NR2C1: variants seen among roughly 807,000 people sequenced by gnomAD.
The protein encoded by NR2C1 is nuclear receptor subfamily 2 group C member 1.
In NR2C1, 33 loss-of-function variants were observed where a neutral mutation model predicts 74.8. That is an observed-to-expected ratio of 0.44 (90% CI 0.33 to 0.59). The LOEUF is 0.59. Ranked by LOEUF, NR2C1 falls within the 20% of genes least tolerant of loss-of-function variation. The pLI is 0.02. For missense variants in NR2C1, 568 were observed against 715.6 expected, an observed-to-expected ratio of 0.79 and a Z score of 2.35; for synonymous variants, 225 against 240.6, an observed-to-expected ratio of 0.94 and a Z score of 0.60.
intron 9 of NR2C1, among the ~76,000 whole-genome samples, chr12:95,045,990 C>A (rs925253884): frequency 6.6e-6 from 1 of 152,002 alleles, no homozygotes; most frequent in Admixed American, 6.6e-5. Context: ...TAGGCATGCA[C>A]CACTACGCCT....
Position 95,047,590 on chromosome 12 carries a change from A to G in NR2C1, c.1131+1478T>C, listed in dbSNP as rs189475359. ...ATACATATTTATTTGATAGCTGTAC[A>G]TATTCTCCTAAAAAAATCCATGGAA... On this transcript the variant is annotated intron_variant, in intron 9 of 13. Transcript: ENST00000333003. Among the ~76,000 whole-genome samples the G allele has an allele frequency of 2.9e-3, 445 of 152,310 alleles. 5 individuals carry two copies. The highest frequency in any genetic ancestry group is 4.2e-3 in the Non-Finnish European group (287 of 68,006).
At chr12:95,053,125 C>T (rs1873277445) in intron 7 of NR2C1, among the ~76,000 whole-genome samples, 1 of 151,912 alleles carries the variant, frequency 6.6e-6, no homozygotes, top group Non-Finnish European at 1.5e-5. Flanking sequence ...GGGCGCATAC[C>T]ACCATGTCCA....
chr12:95,037,618 G>A (rs886461245), intron 10 of NR2C1, among the ~76,000 whole-genome samples: 15 of 152,108 alleles, frequency 9.9e-5, no homozygotes, highest in South Asian at 4.2e-4. Context: ...AATCTTGGCC[G>A]GGCACGGTGG....
chr12:95,031,271 T>C lies in NR2C1; in HGVS notation c.1393+78A>G. 8 of 1,216,028 alleles carry C rather than the reference T, an allele frequency of 6.6e-6. No individual in the cohort carries two copies. In the South Asian group the frequency reaches 6.7e-5, roughly 10 times the overall value. 75.3% of individuals were successfully genotyped at this position (1,216,028 alleles called of 1,614,324 possible). A position where few individuals can be genotyped will look rare whatever the true frequency, so the allele number is the denominator to read the frequency against. On this transcript the variant is annotated intron_variant, in intron 11 of 13. Transcript: ENST00000333003. ...ACACTAATATAATAATTATTAGATATCTAACTTTAGTCATAACATTTAATG... is the reference window on the plus strand; with the variant it reads ...ACACTAATATAATAATTATTAGATACCTAACTTTAGTCATAACATTTAATG...
intron 10 of NR2C1, among the ~76,000 whole-genome samples, chr12:95,032,394 C>A (rs940468931): frequency 2.0e-5 from 3 of 150,122 alleles, no homozygotes; most frequent in South Asian, 2.1e-4. Flanking sequence ...GGAGGCAGAG[C>A]TTGCAGTGAG....
intron 2 of NR2C1, among the ~76,000 whole-genome samples, chr12:95,063,726 A>G (rs1335752789): frequency 6.6e-6 from 1 of 151,994 alleles, no homozygotes; most frequent in African/African-American, 2.4e-5. Context: ...TGTGAAGAAC[A>G]GACTGCAAAT....
At chr12:95,067,167 C>G in intron 2 of NR2C1, 164 bp downstream of exon 2, 2 of 667,696 alleles carry the variant, frequency 3.0e-6, no homozygotes, top group Non-Finnish European at 5.3e-6. Context: ...TTACCACATT[C>G]TACTATGAAT....
intron 13 of NR2C1, among the ~76,000 whole-genome samples, chr12:95,023,568 G>C (rs779615554): frequency 6.6e-6 from 1 of 151,106 alleles, no homozygotes; most frequent in Non-Finnish European, 1.5e-5. Context: ...TTCAAATCTT[G>C]ATTGAACTGC....
At chr12:95,030,442 A>C in intron 11 of NR2C1, 1 of 1,383,454 alleles carries the variant, frequency 7.2e-7, no homozygotes, top group South Asian at 2.0e-5. Flanking sequence ...AATTTATTGT[A>C]GAGGGACATG....
chr12:95,038,728 A>C (rs1871158844), intron 10 of NR2C1, among the ~76,000 whole-genome samples: 2 of 152,256 alleles, frequency 1.3e-5, no homozygotes, highest in Non-Finnish European at 2.9e-5. Context: ...ACTGCAATCC[A>C]GTATAAGTAC....
At chr12:95,031,215 A>G (rs1486490263) in intron 11 of NR2C1, 134 bp downstream of exon 11, 8 of 726,328 alleles carry the variant, frequency 1.1e-5, no homozygotes, top group African/African-American at 1.9e-5. Flanking sequence ...TGTAAAAATT[A>G]TCTAAAGTAA....
intron 10 of NR2C1, among the ~76,000 whole-genome samples, chr12:95,038,001 C>T (rs931962520): frequency 9.2e-5 from 14 of 151,582 alleles, no homozygotes; most frequent in Admixed American, 5.3e-4. Flanking sequence ...TGTCCTTATC[C>T]GTATGATTAA....
At chr12:95,024,220 GTTTT>G (rs1418774411) in intron 13 of NR2C1, among the ~76,000 whole-genome samples, 2 of 151,328 alleles carry the variant, frequency 1.3e-5, no homozygotes, top group African/African-American at 4.9e-5. Flanking sequence ...CTAATAAAAT[GTTTT>G]ATTTATTATA....
chr12:95,051,707 G>C (rs1330649655), intron 8 of NR2C1, 55 bp downstream of exon 8: 3 of 1,441,738 alleles, frequency 2.1e-6, no homozygotes, highest in Non-Finnish European at 2.8e-6. Context: ...AATGTTTTAA[G>C]AAATACTGAA....
chr12:95,068,762 CCA>C (rs1356393678), intron 1 of NR2C1, among the ~76,000 whole-genome samples: 3 of 151,400 alleles, frequency 2.0e-5, no homozygotes, highest in African/African-American at 7.3e-5. Context: ...CCATTGCACT[CCA>C]GTCTGGGCCA....
chr12:95,045,455 C>T (rs1454313285), intron 9 of NR2C1, among the ~76,000 whole-genome samples: 1 of 151,642 alleles, frequency 6.6e-6, no homozygotes, highest in East Asian at 1.9e-4. Flanking sequence ...AGACTGGAAG[C>T]GAAGATATTA....
rs147763057 is a variant in NR2C1, at chr12:95,055,233, T to C, written c.783+2320A>G. 6.6e-5 allele frequency among the ~76,000 whole-genome samples: 10 copies of C among 152,368 alleles called. No homozygotes were observed. In the East Asian group the frequency reaches 1.5e-3, roughly 23 times the overall value. On this transcript the variant is annotated intron_variant, in intron 7 of 13. Transcript: ENST00000333003. ...ATCAGAGAAGCTTACCATACGGTTG[T>C]CATAACAATTTAATACAAAGATATA...
intron 1 of NR2C1, among the ~76,000 whole-genome samples, chr12:95,069,940 G>C (rs974258061): frequency 6.6e-6 from 1 of 152,062 alleles, no homozygotes; most frequent in Non-Finnish European, 1.5e-5. Context: ...CTGACCCTGG[G>C]ATAGGATAAT....
chr12:95,040,833 C>G (rs1327824127), intron 9 of NR2C1, among the ~76,000 whole-genome samples: 1 of 152,154 alleles, frequency 6.6e-6, no homozygotes, highest in East Asian at 1.9e-4. Flanking sequence ...CAACAAATAT[C>G]AACGATGATA....
Sources: gnomAD v4.1 joint callset for allele counts (sites outside exome capture counted in the v4.1 genomes callset) on GRCh38, gnomAD v4.1.1 for gene constraint, MANE v1.5 for transcripts, NCBI Gene and HGNC (gene_info 2026-07-23, HGNC 2026-07-21) for gene names.